The following TLN1 variants were observed in gnomAD, a reference collection of about 807,000 sequenced individuals.
TLN1 encodes talin-1.
In TLN1, 56 loss-of-function variants were observed where a neutral mutation model predicts 292.3. That is an observed-to-expected ratio of 0.19 (90% CI 0.15 to 0.24). TLN1 has a LOEUF of 0.24. TLN1 is among the 10% of genes least tolerant of loss of function. TLN1 has a pLI of 1.00. For synonymous variants in TLN1, 1,119 were observed against 1,253.7 expected, an observed-to-expected ratio of 0.89 and a Z score of 2.27; for missense variants, 2,433 against 3,248.2, an observed-to-expected ratio of 0.75 and a Z score of 6.10.
rs963534226 is a variant in TLN1 at position 35,697,760 on chromosome 9, G to C, written c.*31C>G. On this transcript the variant is annotated 3_prime_UTR_variant, in exon 57 of 57. Coordinates refer to ENST00000314888, the MANE Select transcript of TLN1 (RefSeq NM_006289.4). ...TGGTAGTGGCACGCACAGTCTCTGGGCCGGGTCTGCATTAAATAGAAGAGG... is the reference window on the plus strand; with the variant it reads ...TGGTAGTGGCACGCACAGTCTCTGGCCCGGGTCTGCATTAAATAGAAGAGG... 1 of 1,612,062 alleles carries C rather than the reference G, an allele frequency of 6.2e-7. No individual in the cohort carries two copies. The highest frequency in any genetic ancestry group is 8.5e-7 in the Non-Finnish European group (1 of 1,178,982).
At chr9:35,709,880 C>T (rs1406446378) in intron 33 of TLN1, among the ~76,000 whole-genome samples, 1 of 83,272 alleles carries the variant, frequency 1.2e-5, no homozygotes, top group Non-Finnish European at 2.1e-5. Context: ...GAGCGAAACT[C>T]GGTCTCAAAA....
At chr9:35,710,454 G>C in intron 33 of TLN1, 107 bp downstream of exon 33, 5 of 1,478,948 alleles carry the variant, frequency 3.4e-6, no homozygotes, top group Non-Finnish European at 4.5e-6. Flanking sequence ...CATAGAGTTG[G>C]CTTTGCAAAC....
In TLN1 at chr9:35,711,109, A is replaced by G. The variant is rs1825660381; in HGVS notation, c.4020-27T>C. 1.9e-6 allele frequency: 3 copies of G among 1,613,232 alleles called. No individual in the cohort carries two copies. In the African/African-American group the frequency reaches 4.0e-5, roughly 22 times the overall value. On this transcript the variant is annotated intron_variant, in intron 30 of 56. Transcript: ENST00000314888. ...TGGGAGTGACAGAAAGTTGAGTGAA[A>G]AGGTGAATAGGTCATCATTCCTGGG...
rs566181935 is a variant in TLN1 at position 35,707,676 on chromosome 9, C to T, written c.4632+55G>A. On this transcript the variant is annotated intron_variant, in intron 35 of 56. Transcript: ENST00000314888. This position sits in a 1 kb window ranked among gnomAD's most constrained non-coding sequence, Gnocchi z 5.6. ...GGCTTCAGAGAATAACTGGGGGACTCGGGGGAGAAGATAGGACAGGTCAGG... is the reference window on the plus strand; with the variant it reads ...GGCTTCAGAGAATAACTGGGGGACTTGGGGGAGAAGATAGGACAGGTCAGG... 2.9e-5 allele frequency: 46 copies of T among 1,608,718 alleles called. No homozygotes were observed. Among genetic ancestry groups the T allele is most frequent in the African/African-American group, 2.3e-4 (17 of 74,836 alleles).
At chr9:35,731,165 G>T (rs527965162) in intron 1 of TLN1, among the ~76,000 whole-genome samples, 2 of 152,032 alleles carry the variant, frequency 1.3e-5, no homozygotes, top group Non-Finnish European at 2.9e-5. Flanking sequence ...TAACTACATA[G>T]GAATAAAGGA....
Position 35,717,043 on chromosome 9 carries a change from GA to G in TLN1, c.2458+102del. On this transcript the variant is annotated intron_variant, in intron 19 of 56. Transcript: ENST00000314888. This position sits in a 1 kb window ranked among gnomAD's most constrained non-coding sequence, Gnocchi z 4.7. ...GTGGCTGGCAAGCCCACACTGTGCT[GA>G]GTTCCTTGGGGTGAAGTGGTTAGGT... 7.4e-7 allele frequency: 1 copy of G among 1,349,734 alleles called. No individual in the cohort carries two copies. Among genetic ancestry groups the G allele is most frequent in the Non-Finnish European group, 1.0e-6 (1 of 991,728 alleles). The allele number at this position is 1,349,734 out of a possible 1,614,324, so 83.6% of individuals were successfully genotyped here.
chr9:35,710,466 T>C, intron 33 of TLN1, 95 bp downstream of exon 33: 3 of 1,512,428 alleles, frequency 2.0e-6, no homozygotes, highest in Non-Finnish European at 2.6e-6. Flanking sequence ...TTTGCAAACA[T>C]AAACTTCTTG....
chr9:35,704,691 C>T lies in TLN1; in HGVS notation c.5858G>A (p.Cys1953Tyr). ...CACCTTCTCAGAGACTCTCCGGGCA[C>T]ACTCTATGAGCTCCTTCTTGGTGTA... ...DAYTKKELIE[C>Y]ARRVSEKVSH... Residue 1953 changes from cysteine to tyrosine, a missense_variant, in exon 44 of 57, where the codon TGT becomes TAT. By Grantham distance (194) the Cys-to-Tyr change is radical. Around this residue, in one of 7 missense-constraint regions of TLN1, gnomAD observed 1,384 missense variants for 1,699.6 expected, o/e 0.81. Coordinates refer to ENST00000314888, the MANE Select transcript of TLN1 (RefSeq NM_006289.4). The surrounding 1 kb of genome is among the most constrained non-coding windows in gnomAD (Gnocchi z 6.9). 6.2e-7 allele frequency: 1 copy of T among 1,614,142 alleles called. No homozygotes were observed. The highest frequency in any genetic ancestry group is 8.5e-7 in the Non-Finnish European group (1 of 1,180,026).
rs748449398 is a variant in TLN1 at position 35,704,639 on chromosome 9, C to T, written c.5880+30G>A. The T allele has an allele frequency of 1.2e-6, 2 of 1,611,610 alleles. No homozygotes were observed. Among genetic ancestry groups the T allele is most frequent in the Non-Finnish European group, 1.7e-6 (2 of 1,178,752 alleles). On this transcript the variant is annotated intron_variant, in intron 44 of 56. Coordinates refer to ENST00000314888, the MANE Select transcript of TLN1 (RefSeq NM_006289.4). The surrounding 1 kb of genome is among the most constrained non-coding windows in gnomAD (Gnocchi z 6.9). The stretch of plus-strand genomic sequence containing the variant: ...AAAGGCTACAGAGTTTGGAGGCAGT[C>T]CCACCATCTGCAGGGATGAGCACCG...
intron 2 of TLN1, 28 bp downstream of exon 2, chr9:35,725,537 C>T (rs1825961561): frequency 3.1e-6 from 5 of 1,607,654 alleles, no homozygotes; most frequent in Non-Finnish European, 4.3e-6. Flanking sequence ...AAGACTCCCA[C>T]TCCAGCCACC....
chr9:35,714,919 T>G lies in TLN1; in HGVS notation c.2755-43A>C. The G allele has an allele frequency of 2.5e-6, 4 of 1,600,982 alleles. No homozygotes were observed. Among genetic ancestry groups the G allele is most frequent in the Non-Finnish European group, 2.6e-6 (3 of 1,173,250 alleles). On this transcript the variant is annotated intron_variant, in intron 21 of 56. Coordinates refer to ENST00000314888, the MANE Select transcript of TLN1 (RefSeq NM_006289.4). This position sits in a 1 kb window ranked among gnomAD's most constrained non-coding sequence, Gnocchi z 4.6. ...GTCAGACCAAGCCCATGGATTCCCA[T>G]GCCCAGCCCAGTCCCTGGCCTACCT...
intron 27 of TLN1, among the ~76,000 whole-genome samples, chr9:35,712,464 T>C (rs143347755): frequency 1.4e-3 from 219 of 151,978 alleles, no homozygotes; most frequent in African/African-American, 5.0e-3. Flanking sequence ...GCCAACATGG[T>C]GAAGCCCTGT....
chr9:35,711,126 A>G (rs1158018284), intron 30 of TLN1, 44 bp from the exon 31 acceptor site: 1 of 1,610,926 alleles, frequency 6.2e-7, no homozygotes, highest in South Asian at 1.1e-5. Context: ...ATAGGTCATC[A>G]TTCCTGGGTC....
chr9:35,713,124 C>T lies in TLN1; in HGVS notation c.3352+72G>A, dbSNP rs902825772. 2.2e-5 allele frequency: 34 copies of T among 1,570,474 alleles called. No homozygotes were observed. The African/African-American group carries it at 3.2e-4, about 15-fold the overall frequency. ...TTCCAGTGGTTTCGTCTGTCAGTCC[C>T]ATCCCTCATCCAGCTCCCATTTTCC... On this transcript the variant is annotated intron_variant, in intron 26 of 56. Transcript: ENST00000314888.
chr9:35,712,050 G>A lies in TLN1; in HGVS notation c.3636C>T (p.Ala1212=). ...TGCTGGCATCTCCAACTGCCCTCAG[G>A]GCATTATCCACATCGCGCTGGCCAG... The part of the protein sequence containing the change: ...CLPGQRDVDN[A]LRAVGDASKR... Residue 1212 remains alanine, a synonymous_variant, in exon 28 of 57, where the codon GCC becomes GCT. Transcript: ENST00000314888. 2 of 1,614,128 alleles carry A rather than the reference G, an allele frequency of 1.2e-6. No homozygotes were observed. Among genetic ancestry groups the A allele is most frequent in the Non-Finnish European group, 1.7e-6 (2 of 1,180,034 alleles).
chr9:35,700,278 A>G lies in TLN1; in HGVS notation c.6573T>C (p.Ala2191=), dbSNP rs1365283693. 1 of 1,613,572 alleles carries G rather than the reference A, an allele frequency of 6.2e-7. No individual in the cohort carries two copies. The highest frequency in any genetic ancestry group is 8.5e-7 in the Non-Finnish European group (1 of 1,179,624). The change falls in exon 49 of 57, where the codon GCT becomes GCC. Residue 2191 remains alanine (A), a synonymous_variant. Coordinates refer to ENST00000314888, the MANE Select transcript of TLN1 (RefSeq NM_006289.4). ...GITMATAKAV[A]AGNSCRQEDV... ...CTTCCTGGCGACAGGAATTGCCAGCAGCAACGGCCTTGGCGGTTGCCATGG... is the reference window on the plus strand; with the variant it reads ...CTTCCTGGCGACAGGAATTGCCAGCGGCAACGGCCTTGGCGGTTGCCATGG...
intron 28 of TLN1, 57 bp downstream of exon 28, chr9:35,711,948 G>A: frequency 6.2e-7 from 1 of 1,602,608 alleles, no homozygotes; most frequent in South Asian, 1.1e-5. Context: ...GAGGGAGGAA[G>A]GAGAGGCCTG....
At chr9:35,728,786 C>T (rs1217200490) in intron 1 of TLN1, among the ~76,000 whole-genome samples, 2 of 152,192 alleles carry the variant, frequency 1.3e-5, no homozygotes, top group African/African-American at 4.8e-5. Flanking sequence ...CCTTGAGGGC[C>T]AGCTGTGGGG....
At chr9:35,718,693 T>TA (rs1563945227) in intron 17 of TLN1, 119 bp downstream of exon 17, 2 of 764,906 alleles carry the variant, frequency 2.6e-6, no homozygotes, top group African/African-American at 3.5e-5. Flanking sequence ...CCCCTGGAAA[T>TA]AGAGGTTCAG....
Sources: gnomAD v4.1 joint callset for allele counts (sites outside exome capture counted in the v4.1 genomes callset) on GRCh38, gnomAD v4.1.1 for gene constraint, gnomAD v4.1.1 regional missense constraint, Gnocchi (gnomAD v3.1) non-coding constraint, MANE v1.5 for transcripts, NCBI Gene and HGNC (gene_info 2026-07-23, HGNC 2026-07-21) for gene names.